The following SBNO2 variants were observed in gnomAD, a reference collection of about 807,000 sequenced individuals.
The protein encoded by SBNO2 is strawberry notch homolog 2, also known as protein strawberry notch homolog 2.
SBNO2 carries 89 observed loss-of-function variants against 146.3 expected under a neutral mutation model. The ratio of observed to expected loss-of-function variants is 0.61; its 90% CI spans 0.51 to 0.73. The LOEUF (loss-of-function observed/expected upper bound fraction) is 0.73, where lower values mean the gene tolerates loss of function less well. Ranked by LOEUF, SBNO2 falls within the 30% of genes least tolerant of loss-of-function variation. The pLI is 0.00. For synonymous variants in SBNO2, 1,147 were observed against 892.6 expected (o/e 1.29, Z -5.08); for missense variants, 2,092 against 2,003.7 (o/e 1.04, Z -0.84).
chr19:1,111,583 G>A lies in SBNO2; in HGVS notation c.2732C>T (p.Thr911Ile). ...YGTRALHCVL[T>I]TILSQTENKV... ...GTTCTCAGTCTGGCTCAGGATGGTG[G>A]TGAGGACACAGTGCAGGGCCCGGGT... The change falls in exon 24 of 32, where the codon ACC becomes ATC. Residue 911 changes from threonine (T) to isoleucine (I), a missense_variant. Thr to Ile is a moderately conservative substitution (Grantham distance 89, BLOSUM62 -1). Transcript: ENST00000361757. 1.3e-6 allele frequency: 2 copies of A among 1,595,460 alleles called. No individual in the cohort carries two copies. Among genetic ancestry groups the A allele is most frequent in the Non-Finnish European group, 1.7e-6 (2 of 1,171,378 alleles).
In SBNO2 at chr19:1,113,611, C is replaced by G. The variant is rs200987793; in HGVS notation, c.2171G>C (p.Arg724Pro). Residue 724 changes from arginine (R) to proline (P), a missense_variant, in exon 19 of 32, where the codon CGG becomes CCG. Transcript: ENST00000361757. ...LKQDLLDKVR[R>P]LGRELPVNTL... ...GTTGACTGGCAGTTCCCGGCCCAGC[C>G]GCCGCACTTTGTCCAGCAGATCCTG... 6.3e-7 allele frequency: 1 copy of G among 1,597,538 alleles called. No individual in the cohort carries two copies. Among genetic ancestry groups the G allele is most frequent in the Non-Finnish European group, 8.5e-7 (1 of 1,174,126 alleles).
At chr19:1,172,775 A>ACCCCCCCCCCCCCCCCCCCCCCCCC (rs200691444) in intron 1 of SBNO2, among the ~76,000 whole-genome samples, 2 of 39,606 alleles carry the variant, frequency 5.0e-5, no homozygotes, top group Non-Finnish European at 7.7e-5. Flanking sequence ...ACTCACTGCA[A>ACCCCCCCCCCCCCCCCCCCCCCCCC]CCGCCCCCCC....
rs754738310 is a variant in SBNO2, at chr19:1,116,891, C to T, written c.1740G>A (p.Ala580=). The change falls in exon 16 of 32, where the codon GCG becomes GCA. Residue 580 remains alanine, a synonymous_variant. Transcript: ENST00000361757. ...TCTCCCCCAGCACCTCCCGCGTGCG[C>T]GCCTCGCCCGTGGACTGCAGCCCGA... The part of the protein sequence containing the change: ...VVIGLQSTGE[A]RTREVLGEND... 24 of 1,573,850 alleles carry T rather than the reference C, an allele frequency of 1.5e-5. No homozygotes were observed. In the African/African-American group the frequency reaches 2.7e-4, roughly 18 times the overall value.
chr19:1,120,036 T>C lies in SBNO2; in HGVS notation c.1150-13A>G. The C allele has an allele frequency of 6.5e-7, 1 of 1,547,076 alleles. No individual in the cohort carries two copies. Among genetic ancestry groups the C allele is most frequent in the African/African-American group, 1.4e-5 (1 of 73,002 alleles). ...CGTCGAACACGATCTGAGGCACACG[T>C]GGGTTAAGGAGTATTCTGAAGGACG... On this transcript the variant is annotated splice_polypyrimidine_tract_variant and intron_variant, in intron 11 of 31. Transcript: ENST00000361757.
In SBNO2 at chr19:1,112,100, C is replaced by G. The variant is rs755892146; in HGVS notation, c.2629-33G>C. 6.2e-7 allele frequency: 1 copy of G among 1,611,230 alleles called. No homozygotes were observed. Among genetic ancestry groups the G allele is most frequent in the East Asian group, 2.2e-5 (1 of 44,854 alleles). ...GGGTGGGGAGGCCATCAGTTGGTCACCTGGGGTCTGGCCTCTAGCACCCCA... is the reference window on the plus strand; with the variant it reads ...GGGTGGGGAGGCCATCAGTTGGTCAGCTGGGGTCTGGCCTCTAGCACCCCA... On this transcript the variant is annotated intron_variant, in intron 22 of 31. Coordinates refer to ENST00000361757, the MANE Select transcript of SBNO2 (RefSeq NM_014963.3). This position sits in a 1 kb window ranked among gnomAD's most constrained non-coding sequence, Gnocchi z 5.9.
rs908957470 is a variant in SBNO2 at position 1,147,226 on chromosome 19, C to T, written c.279+83G>A. 24 of 942,512 alleles carry T rather than the reference C, an allele frequency of 2.5e-5. No individual in the cohort carries two copies. In the Middle Eastern group the frequency reaches 9.8e-4, roughly 39 times the overall value. 58.4% of individuals were successfully genotyped at this position (942,512 alleles called of 1,614,324 possible). ...TCACTGAGTCCCAGGCAGGCCTGAG[C>T]GAGAGAGGTCGCAGGGCAGCTGGAG... On this transcript the variant is annotated intron_variant, in intron 4 of 31. Transcript: ENST00000361757.
rs551491248 is a variant in SBNO2 at position 1,144,841 on chromosome 19, G to A, written c.279+2468C>T. Among the ~76,000 whole-genome samples, 1 of 150,272 alleles carries A rather than the reference G, an allele frequency of 6.7e-6. No individual in the cohort carries two copies. The highest frequency in any genetic ancestry group is 6.6e-5 in the Admixed American group (1 of 15,112). On this transcript the variant is annotated intron_variant, in intron 4 of 31. Coordinates refer to ENST00000361757, the MANE Select transcript of SBNO2 (RefSeq NM_014963.3). The surrounding 1 kb of genome is among the most constrained non-coding windows in gnomAD (Gnocchi z 4.1). Reference sequence around the variant, plus strand: ...ACAGAGAGGGAGACAGAGAGACAGGGGCAGAGACAAGCAGAGAGGGAGACA... The same window carrying A: ...ACAGAGAGGGAGACAGAGAGACAGGAGCAGAGACAAGCAGAGAGGGAGACA...
chr19:1,161,326 G>A (rs531414004), intron 1 of SBNO2, among the ~76,000 whole-genome samples: 1 of 54,074 alleles, frequency 1.8e-5, no homozygotes, highest in East Asian at 5.2e-4. Context: ...GAGTACTGGG[G>A]GTGGGGGTGC....
At chr19:1,151,441 C>G (rs2080241728) in intron 2 of SBNO2, among the ~76,000 whole-genome samples, 1 of 152,218 alleles carries the variant, frequency 6.6e-6, no homozygotes, top group African/African-American at 2.4e-5. Flanking sequence ...TCTCCTCCCT[C>G]CCACAGCCCA....
chr19:1,142,914 C>T (rs1330500578), intron 4 of SBNO2, among the ~76,000 whole-genome samples: 3 of 152,036 alleles, frequency 2.0e-5, no homozygotes, highest in African/African-American at 7.2e-5. Flanking sequence ...TTGCAGTTAC[C>T]CAAGATGGCG....
chr19:1,132,607 G>A (rs1174576469), intron 4 of SBNO2, among the ~76,000 whole-genome samples: 7 of 152,180 alleles, frequency 4.6e-5, no homozygotes, highest in African/African-American at 1.7e-4. Context: ...GGCCAAGACC[G>A]CCTCCCTTCA....
chr19:1,158,003 T>C lies in SBNO2; in HGVS notation c.-126-3601A>G, dbSNP rs1368655855. ...GATAACTGTCCGCCTCCCAGCTCTC[T>C]CCTGAGTCTGGGTAACTGCATCTGC... On this transcript the variant is annotated intron_variant, in intron 1 of 31. Transcript: ENST00000361757. The surrounding 1 kb of genome is among the most constrained non-coding windows in gnomAD (Gnocchi z 9.9). Among the ~76,000 whole-genome samples the C allele has an allele frequency of 1.3e-5, 2 of 151,136 alleles. No individual in the cohort carries two copies. The highest frequency in any genetic ancestry group is 2.9e-5 in the Non-Finnish European group (2 of 67,958).
chr19:1,145,077 A>C (rs1484069867), intron 4 of SBNO2, among the ~76,000 whole-genome samples: 5 of 151,820 alleles, frequency 3.3e-5, no homozygotes, highest in Non-Finnish European at 1.5e-5. Flanking sequence ...AGGGAGGCAG[A>C]GACAGAGAGG....
At chr19:1,143,855 C>T (rs1568611074) in intron 4 of SBNO2, among the ~76,000 whole-genome samples, 3 of 152,160 alleles carry the variant, frequency 2.0e-5, no homozygotes, top group Admixed American at 2.0e-4. Flanking sequence ...GAAGCTCTTC[C>T]GTCTTGGGTC....
rs1365724183 is a variant in SBNO2 at position 1,136,085 on chromosome 19, C to G, written c.280-8320G>C. ...CTGGTGTCCTCATTCGAAGGAGACA[C>G]AGTCCCGGGGAGGAGGCCACGGGAC... is the stretch of plus-strand genomic sequence containing the variant. On this transcript the variant is annotated intron_variant, in intron 4 of 31. Transcript: ENST00000361757. The surrounding 1 kb of genome is among the most constrained non-coding windows in gnomAD (Gnocchi z 4.2). Among the ~76,000 whole-genome samples the G allele has an allele frequency of 1.3e-5, 2 of 152,128 alleles. No homozygotes were observed. The highest frequency in any genetic ancestry group is 2.9e-5 in the Non-Finnish European group (2 of 68,012).
At chr19:1,133,777 C>T (rs940176392) in intron 4 of SBNO2, among the ~76,000 whole-genome samples, 1 of 152,188 alleles carries the variant, frequency 6.6e-6, no homozygotes, top group Non-Finnish European at 1.5e-5. Flanking sequence ...TCACAGCCAC[C>T]GCTCAACCCA....
chr19:1,146,832 G>A (rs1185555559), intron 4 of SBNO2, among the ~76,000 whole-genome samples: 1 of 151,498 alleles, frequency 6.6e-6, no homozygotes, highest in Non-Finnish European at 1.5e-5. Context: ...TCCGCCTGAT[G>A]CCGCAGTGGG....
intron 4 of SBNO2, among the ~76,000 whole-genome samples, chr19:1,130,356 G>A (rs1423431356): frequency 1.3e-5 from 2 of 152,144 alleles, no homozygotes; most frequent in Non-Finnish European, 2.9e-5. Context: ...AAGTCAAGTC[G>A]GGCAGGGGGG....
chr19:1,151,702 A>G (rs367554579), intron 2 of SBNO2, among the ~76,000 whole-genome samples: 7 of 152,246 alleles, frequency 4.6e-5, no homozygotes, highest in African/African-American at 9.6e-5. Flanking sequence ...TCACTCTGTC[A>G]CCCAGGCTGA....
Sources: allele counts gnomAD v4.1 joint callset (sites outside exome capture counted in the v4.1 genomes callset), GRCh38; gene constraint gnomAD v4.1.1; non-coding constraint Gnocchi (gnomAD v3.1); transcripts MANE v1.5; gene names NCBI Gene and HGNC (gene_info 2026-07-23, HGNC 2026-07-21).